The following SGCZ variants were observed in gnomAD, a reference collection of about 807,000 sequenced individuals.
SGCZ encodes sarcoglycan zeta.
A neutral mutation model predicts 41.3 loss-of-function variants in SGCZ; 40 were observed. That is an observed-to-expected ratio of 0.97 (90% CI 0.75 to 1.26). The LOEUF is 1.26. Among genes scored for constraint, SGCZ ranks in the 50% most tolerant of loss-of-function variants. The pLI is 0.00. For missense variants in SGCZ, 552 were observed against 369.8 expected (o/e 1.49, Z -4.04); for synonymous variants, 206 against 137.5 (o/e 1.50, Z -3.49).
chr8:14,366,090 C>A (rs1803696325), intron 2 of SGCZ, among the ~76,000 whole-genome samples: 1 of 152,178 alleles, frequency 6.6e-6, no homozygotes, highest in East Asian at 1.9e-4. Context: ...ATTTTTATAT[C>A]AATAAATGCC....
intron 1 of SGCZ, among the ~76,000 whole-genome samples, chr8:14,752,132 C>CCA (rs1799518578): frequency 8.5e-6 from 1 of 117,794 alleles, no homozygotes; most frequent in Non-Finnish European, 1.7e-5. Flanking sequence ...ACAAAAAAGC[C>CCA]AAAAAAAAAA....
chr8:14,920,665 C>G (rs892933509), intron 1 of SGCZ, among the ~76,000 whole-genome samples: 1 of 152,022 alleles, frequency 6.6e-6, no homozygotes, highest in African/African-American at 2.4e-5. Context: ...TAAGGAAGAA[C>G]AAATGGAGAT....
At chr8:14,882,284 G>A (rs1804620946) in intron 1 of SGCZ, among the ~76,000 whole-genome samples, 1 of 152,102 alleles carries the variant, frequency 6.6e-6, no homozygotes, top group South Asian at 2.1e-4. Flanking sequence ...GAACCTTTGG[G>A]AAGCATATCA....
chr8:14,436,542 T>G (rs986703966), intron 2 of SGCZ, among the ~76,000 whole-genome samples: 1 of 152,174 alleles, frequency 6.6e-6, no homozygotes, highest in Non-Finnish European at 1.5e-5. Context: ...TATCTTTTAC[T>G]TGAGTTGTCA....
At chr8:15,036,698 A>C (rs576460866) in intron 1 of SGCZ, among the ~76,000 whole-genome samples, 9 of 152,284 alleles carry the variant, frequency 5.9e-5, no homozygotes, top group Admixed American at 5.9e-4. Context: ...TCTTCCAAAA[A>C]ATTGAAGAGG....
At chr8:15,056,315 T>C (rs899449493) in intron 1 of SGCZ, among the ~76,000 whole-genome samples, 3 of 152,228 alleles carry the variant, frequency 2.0e-5, no homozygotes, top group African/African-American at 7.2e-5. Flanking sequence ...GAGGAATATG[T>C]TATTGTTTTC....
At chr8:14,227,452 G>T (rs11992106) in intron 4 of SGCZ, among the ~76,000 whole-genome samples, 90,471 of 151,794 alleles carry the variant, frequency 0.6, 27,279 homozygotes, top group East Asian at 0.76. Flanking sequence ...ATGACAAAAT[G>T]AGATTTTTCA....
chr8:14,361,470 T>C (rs947401504), intron 2 of SGCZ, among the ~76,000 whole-genome samples: 9 of 152,236 alleles, frequency 5.9e-5, no homozygotes, highest in Admixed American at 3.3e-4. Flanking sequence ...CTTCATCGAA[T>C]CTGCTATTGA....
At chr8:14,525,522 A>T (rs1802920178) in intron 2 of SGCZ, among the ~76,000 whole-genome samples, 1 of 152,142 alleles carries the variant, frequency 6.6e-6, no homozygotes, top group Admixed American at 6.6e-5. Context: ...ATGTAAAGAC[A>T]ATTGCCATGA....
chr8:15,138,628 T>G (rs1268342187), intron 1 of SGCZ, among the ~76,000 whole-genome samples: 2 of 152,148 alleles, frequency 1.3e-5, no homozygotes, highest in East Asian at 3.9e-4. Context: ...TTCCCTTGAT[T>G]GCACTCATTC....
At chr8:14,370,834 T>A (rs923459344) in intron 2 of SGCZ, among the ~76,000 whole-genome samples, 3 of 151,884 alleles carry the variant, frequency 2.0e-5, no homozygotes, top group African/African-American at 7.2e-5. Context: ...TTGGTAAAAA[T>A]TTAAATTGAT....
chr8:14,657,152 C>T (rs1219806167), intron 1 of SGCZ, among the ~76,000 whole-genome samples: 1 of 151,690 alleles, frequency 6.6e-6, no homozygotes, highest in Non-Finnish European at 1.5e-5. Context: ...TTTGATCTTC[C>T]TTTTGTGTTC....
intron 1 of SGCZ, among the ~76,000 whole-genome samples, chr8:14,942,379 G>A (rs973208646): frequency 1.3e-5 from 2 of 152,122 alleles, no homozygotes; most frequent in Non-Finnish European, 2.9e-5. Context: ...AGACTGGTAG[G>A]ATAGCTACTA....
intron 1 of SGCZ, among the ~76,000 whole-genome samples, chr8:14,937,614 G>A (rs1800126619): frequency 6.6e-6 from 1 of 151,988 alleles, no homozygotes; most frequent in Non-Finnish European, 1.5e-5. Flanking sequence ...CGCATATAGA[G>A]GAACCAATGC....
chr8:14,828,094 T>C (rs1802399538), intron 1 of SGCZ, among the ~76,000 whole-genome samples: 1 of 152,200 alleles, frequency 6.6e-6, no homozygotes, highest in African/African-American at 2.4e-5. Context: ...AGAAAAGTAA[T>C]TCTGCTGAAA....
intron 1 of SGCZ, among the ~76,000 whole-genome samples, chr8:14,932,904 G>A (rs905810555): frequency 1.3e-5 from 2 of 151,858 alleles, no homozygotes; most frequent in Admixed American, 1.3e-4. Context: ...ACTAAATCTG[G>A]CATTCATTTC....
chr8:14,555,435 C>CA (rs1585076238), intron 1 of SGCZ, among the ~76,000 whole-genome samples: 1 of 151,968 alleles, frequency 6.6e-6, no homozygotes, highest in East Asian at 1.9e-4. Context: ...GGCACCTCCC[C>CA]ACTCCCTCTT....
chr8:15,074,252 C>G (rs945646979), intron 1 of SGCZ, among the ~76,000 whole-genome samples: 3 of 152,176 alleles, frequency 2.0e-5, no homozygotes, highest in African/African-American at 7.2e-5. Context: ...TTCTTTAGGA[C>G]GTTAGTCCAA....
intron 1 of SGCZ, among the ~76,000 whole-genome samples, chr8:14,821,618 T>A (rs62493310): frequency 6.6e-6 from 1 of 152,046 alleles, no homozygotes; most frequent in Non-Finnish European, 1.5e-5. Context: ...TCAGGCACTA[T>A]GATCAGGCGA....
Sources: allele counts gnomAD v4.1 joint callset (sites outside exome capture counted in the v4.1 genomes callset), GRCh38; gene constraint gnomAD v4.1.1; transcripts MANE v1.5; gene names NCBI Gene and HGNC (gene_info 2026-07-23, HGNC 2026-07-21).